The following FARS2 variants were observed in gnomAD, a reference collection of about 807,000 sequenced individuals.
FARS2 encodes phenylalanyl-tRNA synthetase 2, mitochondrial.
A neutral mutation model predicts 46.4 loss-of-function variants in FARS2; 40 were observed. That is an observed-to-expected ratio of 0.86 (90% confidence interval 0.67 to 1.12). The LOEUF (loss-of-function observed/expected upper bound fraction) is 1.12. FARS2 is among the 50% of genes most tolerant of loss of function. FARS2 has a pLI of 0.00. For synonymous variants in FARS2, 234 were observed against 214.9 expected (o/e 1.09, Z -0.78); for missense variants, 513 against 567.9 (o/e 0.90, Z 0.98).
Position 5,555,130 on chromosome 6 carries a change from C to T in FARS2, c.1065+9790C>T, listed in dbSNP as rs139338534. On this transcript the variant is annotated intron_variant, in intron 5 of 6. Transcript: ENST00000274680. ...TTCTCGTGATAGTGAGTAAGTCTCA[C>T]GACATCTGATGGGCTTATCAGGGGT... 8.6e-4 allele frequency among the ~76,000 whole-genome samples: 131 copies of T among 152,174 alleles called. 2 individuals carry two copies. The highest frequency in any genetic ancestry group is 2.9e-3 in the African/African-American group (121 of 41,488).
At chr6:5,473,034 T>C (rs1224016359) in intron 4 of FARS2, among the ~76,000 whole-genome samples, 1 of 152,230 alleles carries the variant, frequency 6.6e-6, no homozygotes, top group African/African-American at 2.4e-5. Context: ...CATAGATATG[T>C]TCATACGTGG....
intron 4 of FARS2, among the ~76,000 whole-genome samples, chr6:5,486,351 C>T (rs1049349677): frequency 1.5e-4 from 23 of 152,150 alleles, no homozygotes; most frequent in Non-Finnish European, 3.2e-4. Context: ...TCCCTGAGCC[C>T]CAAACCCTGT....
chr6:5,426,832 G>A (rs1175591042), intron 3 of FARS2, among the ~76,000 whole-genome samples: 3 of 152,122 alleles, frequency 2.0e-5, no homozygotes, highest in African/African-American at 7.2e-5. Context: ...CACCATGTTG[G>A]CAAGGCTGGT....
chr6:5,670,414 A>C lies in FARS2; in HGVS notation c.1217+57094A>C, dbSNP rs867561799. Among the ~76,000 whole-genome samples the C allele has an allele frequency of 7.9e-5, 12 of 152,202 alleles. 1 individual carries two copies. The highest frequency in any genetic ancestry group is 2.9e-4 in the African/African-American group (12 of 41,458). On this transcript the variant is annotated intron_variant, in intron 6 of 6. Coordinates refer to ENST00000274680, the MANE Select transcript of FARS2 (RefSeq NM_006567.5). Reference sequence around the variant, plus strand: ...TACTAAACTTTTGTGTCCCCTACTAAACTTTTAGCTTCTAGAGAGTAGAAA... The same window carrying C: ...TACTAAACTTTTGTGTCCCCTACTACACTTTTAGCTTCTAGAGAGTAGAAA...
At chr6:5,445,439 G>A (rs1171694621) in intron 4 of FARS2, among the ~76,000 whole-genome samples, 1 of 151,976 alleles carries the variant, frequency 6.6e-6, no homozygotes, top group African/African-American at 2.4e-5. Context: ...GTTCATTCCT[G>A]TATTTTAGGC....
intron 6 of FARS2, among the ~76,000 whole-genome samples, chr6:5,657,386 C>CTGA (rs1340768249): frequency 6.6e-6 from 1 of 152,182 alleles, no homozygotes; most frequent in Non-Finnish European, 1.5e-5. Flanking sequence ...CTGTGCTGCA[C>CTGA]TGATTAGATT....
intron 1 of FARS2, among the ~76,000 whole-genome samples, chr6:5,278,270 C>T (rs1766477934): frequency 6.6e-6 from 1 of 152,148 alleles, no homozygotes; most frequent in Non-Finnish European, 1.5e-5. Context: ...AGGGACATTG[C>T]AAAGATTCAG....
At chr6:5,618,937 C>A (rs1215625524) in intron 6 of FARS2, among the ~76,000 whole-genome samples, 21 of 152,200 alleles carry the variant, frequency 1.4e-4, no homozygotes, top group Admixed American at 1.4e-3. Flanking sequence ...AACTTGATAT[C>A]CCCTCCATCA....
chr6:5,474,866 G>A (rs1178995059), intron 4 of FARS2, among the ~76,000 whole-genome samples: 2 of 151,852 alleles, frequency 1.3e-5, no homozygotes, highest in South Asian at 4.2e-4. Flanking sequence ...CACCATGCTG[G>A]CCAGGCTGGT....
At chr6:5,693,521 T>C (rs1176194575) in intron 6 of FARS2, among the ~76,000 whole-genome samples, 1 of 152,222 alleles carries the variant, frequency 6.6e-6, no homozygotes, top group Admixed American at 6.5e-5. Flanking sequence ...CATTTATCCT[T>C]AGCAGTTGCA....
At chr6:5,752,942 G>A (rs547836453) in intron 6 of FARS2, among the ~76,000 whole-genome samples, 1 of 152,114 alleles carries the variant, frequency 6.6e-6, no homozygotes, top group South Asian at 2.1e-4. Flanking sequence ...AGAGAACCGT[G>A]CTGACTCTGC....
chr6:5,490,527 C>T (rs536726388), intron 4 of FARS2, among the ~76,000 whole-genome samples: 1 of 152,312 alleles, frequency 6.6e-6, no homozygotes, highest in East Asian at 1.9e-4. Context: ...TGCAAGATGG[C>T]CCCCAGTGAT....
chr6:5,658,806 A>C (rs567430597), intron 6 of FARS2, among the ~76,000 whole-genome samples: 3 of 152,196 alleles, frequency 2.0e-5, no homozygotes, highest in Non-Finnish European at 2.9e-5. Flanking sequence ...TTATTGGATA[A>C]TTTTAAATTT....
chr6:5,659,891 G>A (rs1474823710), intron 6 of FARS2, among the ~76,000 whole-genome samples: 2 of 152,158 alleles, frequency 1.3e-5, no homozygotes, highest in Admixed American at 6.5e-5. Flanking sequence ...TTAGTTATTC[G>A]AAGGAACTTT....
intron 4 of FARS2, among the ~76,000 whole-genome samples, chr6:5,474,663 G>GTTTA (rs1766010594): frequency 7.5e-6 from 1 of 133,948 alleles, no homozygotes; most frequent in Admixed American, 7.9e-5. Context: ...ATACAGTACT[G>GTTTA]TTTTTTTTTT....
chr6:5,770,401 T>TTGC (rs3058189), intron 6 of FARS2, among the ~76,000 whole-genome samples: 1,965 of 151,508 alleles, frequency 0.013, 38 homozygotes, highest in African/African-American at 0.038. Flanking sequence ...TCTGTTGTTG[T>TTGC]TGCTGCTGCT....
At chr6:5,562,727 C>G (rs998818176) in intron 5 of FARS2, among the ~76,000 whole-genome samples, 2 of 130,906 alleles carry the variant, frequency 1.5e-5, no homozygotes, top group Non-Finnish European at 3.1e-5. Flanking sequence ...CACACACACA[C>G]AGTGTTTTTC....
chr6:5,750,796 G>T (rs1761902782), intron 6 of FARS2, among the ~76,000 whole-genome samples: 1 of 152,122 alleles, frequency 6.6e-6, no homozygotes, highest in South Asian at 2.1e-4. Context: ...GGAAAGAAAG[G>T]CTAGAATATT....
chr6:5,546,482 C>T (rs138804506), intron 5 of FARS2, among the ~76,000 whole-genome samples: 3,099 of 151,188 alleles, frequency 0.02, 33 homozygotes, highest in Non-Finnish European at 0.029. Context: ...AAACTCCTGA[C>T]CTTGTGATTC....
Sources: gnomAD v4.1 joint callset for allele counts (sites outside exome capture counted in the v4.1 genomes callset) on GRCh38, gnomAD v4.1.1 for gene constraint, MANE v1.5 for transcripts, NCBI Gene and HGNC (gene_info 2026-07-23, HGNC 2026-07-21) for gene names.